Variants in MATR3 observed in about 807,000 individuals in gnomAD.
The protein encoded by MATR3 is matrin 3, also known as matrin-3.
A neutral mutation model predicts 85.5 loss-of-function variants in MATR3; 4 were observed. That is an observed-to-expected ratio of 0.05 (90% CI 0.02 to 0.11). The LOEUF (loss-of-function observed/expected upper bound fraction) is 0.11, where lower values mean the gene tolerates loss of function less well. Ranked by LOEUF, MATR3 falls within the 10% of genes least tolerant of loss-of-function variation. The probability of loss-of-function intolerance (pLI) is 1.00; values close to 1 mark genes in which losing one functional copy is unlikely to be tolerated. For missense variants in MATR3, 685 were observed against 1,016.1 expected (o/e 0.67, Z 4.43); for synonymous variants, 336 against 343.1 (o/e 0.98, Z 0.23).
At chr5:139,319,568 G>C in intron 9 of MATR3, 67 bp downstream of exon 9, 9 of 1,425,068 alleles carry the variant, frequency 6.3e-6, no homozygotes, top group Non-Finnish European at 8.8e-6. Context: ...TCAATATGGA[G>C]CTGGGCGTCA....
chr5:139,299,131 T>C (rs1197912858), intron 1 of MATR3, among the ~76,000 whole-genome samples: 1 of 152,200 alleles, frequency 6.6e-6, no homozygotes, highest in Non-Finnish European at 1.5e-5. Flanking sequence ...ATGTTTTGTT[T>C]CGTATTTTTA....
chr5:139,324,290 G>GTTTTTTTTT (rs767660135), intron 12 of MATR3, among the ~76,000 whole-genome samples: 2 of 107,730 alleles, frequency 1.9e-5, no homozygotes, highest in Non-Finnish European at 1.8e-5. Flanking sequence ...GAGCATGATT[G>GTTTTTTTTT]TTTTTTTTTT....
upstream of MATR3, among the ~76,000 whole-genome samples, chr5:139,290,786 C>T (rs1026543657): frequency 7.9e-5 from 12 of 152,028 alleles, no homozygotes; most frequent in African/African-American, 2.4e-4. Context: ...ACTTCGTTTA[C>T]GGCATTAACT....
chr5:139,280,731 T>C (rs1016061844), intron 3 of MATR3: 1 of 152,246 alleles, frequency 6.6e-6, no homozygotes, highest in Non-Finnish European at 1.5e-5. Context: ...CACAGTACTT[T>C]AAATCTGAGG....
Position 139,316,201 on chromosome 5 carries a change from A to T in MATR3, c.1129+13A>T. On this transcript the variant is annotated intron_variant, in intron 5 of 14. Transcript: ENST00000394805. Reference sequence around the variant, plus strand: ...AGAGGAAATCTGGGTAATTATATAAAATTCATGTTACTTTTCCCTACAGAG... The same window carrying T: ...AGAGGAAATCTGGGTAATTATATAATATTCATGTTACTTTTCCCTACAGAG... 6.5e-7 allele frequency: 1 copy of T among 1,539,920 alleles called. No individual in the cohort carries two copies. Among genetic ancestry groups the T allele is most frequent in the Non-Finnish European group, 9.0e-7 (1 of 1,115,356 alleles).
chr5:139,317,766 A>C (rs765431855), intron 7 of MATR3, 45 bp downstream of exon 7: 31 of 1,469,720 alleles, frequency 2.1e-5, no homozygotes, highest in South Asian at 3.6e-5. Context: ...CATGCCACTA[A>C]TATATGTTCT....
rs1226494987 is a variant in MATR3, at chr5:139,317,091, C to G, written c.1168C>G (p.Gln390Glu). The G allele has an allele frequency of 1.2e-6, 2 of 1,614,016 alleles. No homozygotes were observed. The highest frequency in any genetic ancestry group is 1.7e-6 in the Non-Finnish European group (2 of 1,179,964). The change falls in exon 6 of 15, where the codon CAG (glutamine) becomes GAG (glutamate). Residue 390 changes from glutamine to glutamate, a missense_variant. This residue lies in a region of MATR3 where 223 missense variants were observed against 334.4 expected (regional missense o/e 0.67). Coordinates refer to ENST00000394805, the MANE Select transcript of MATR3 (RefSeq NM_018834.6). ...NGNLQGPRHM[Q>E]KGRVETSRVV... ...AAACCTGCAAGGACCTAGACACATGCAGAAAGGCAGAGTGGTCAGTAATGA... is the reference window on the plus strand; with the variant it reads ...AAACCTGCAAGGACCTAGACACATGGAGAAAGGCAGAGTGGTCAGTAATGA...
intron 3 of MATR3, among the ~76,000 whole-genome samples, chr5:139,281,612 C>T (rs954472422): frequency 2.6e-5 from 4 of 152,096 alleles, no homozygotes; most frequent in African/African-American, 9.7e-5. Context: ...CTCAGCCTCC[C>T]AAAGTGCTGG....
rs1756044510 is a variant in MATR3 at position 139,329,810 on chromosome 5, GT to G, written c.*419del. ...ATTACTTTCATCTGAAACATTCCATGTTTTAATCTGAGCCTTGCAGACTTTC... is the reference window on the plus strand; with the variant it reads ...ATTACTTTCATCTGAAACATTCCATGTTTAATCTGAGCCTTGCAGACTTTC... On this transcript the variant is annotated 3_prime_UTR_variant, in exon 15 of 15. Coordinates refer to ENST00000394805, the MANE Select transcript of MATR3 (RefSeq NM_018834.6). 1 of 454,488 alleles carries G rather than the reference GT, an allele frequency of 2.2e-6. No individual in the cohort carries two copies. The highest frequency in any genetic ancestry group is 2.4e-5 in the Admixed American group (1 of 42,552). The allele number at this position is 454,488 out of a possible 1,614,324, so 28.2% of individuals were successfully genotyped here.
upstream of MATR3, among the ~76,000 whole-genome samples, chr5:139,290,970 T>C (rs1391157799): frequency 6.6e-6 from 1 of 152,122 alleles, no homozygotes; most frequent in Non-Finnish European, 1.5e-5. Context: ...CCCAGGGAAA[T>C]GGCCCTTTCC....
At chr5:139,289,887 A>G (rs759178262), upstream of MATR3, among the ~76,000 whole-genome samples, 5 of 152,120 alleles carry the variant, frequency 3.3e-5, no homozygotes, top group African/African-American at 4.8e-5. Flanking sequence ...AGTGGAAGCA[A>G]CTCTCAATGT....
rs73255204 is a variant in MATR3 at position 139,279,205 on chromosome 5, G to A, written c.-178+76G>A. 5.1e-3 allele frequency: 2,306 copies of A among 452,406 alleles called. 51 individuals carry two copies. Among genetic ancestry groups the A allele is most frequent in the African/African-American group, 0.042 (2,116 of 49,928 alleles). 28.0% of individuals were successfully genotyped at this position (452,406 alleles called of 1,614,324 possible). On this transcript the variant is annotated intron_variant, in intron 3 of 16. Coordinates refer to ENST00000509990, the Ensembl canonical transcript of MATR3. ...ATGGGGGTAGGGGACTTAAAATTATGATGTGAAAAATTATGTAGAGTATCA... is the reference window on the plus strand; with the variant it reads ...ATGGGGGTAGGGGACTTAAAATTATAATGTGAAAAATTATGTAGAGTATCA...
intron 1 of MATR3, among the ~76,000 whole-genome samples, chr5:139,306,118 TA>T (rs1263146776): frequency 6.6e-6 from 1 of 152,214 alleles, no homozygotes; most frequent in African/African-American, 2.4e-5. Context: ...GTTGTGATTA[TA>T]AAATTGTTTC....
chr5:139,317,824 C>G (rs1309562299), intron 7 of MATR3, 103 bp downstream of exon 7: 11 of 1,187,876 alleles, frequency 9.3e-6, no homozygotes, highest in Non-Finnish European at 1.2e-5. Flanking sequence ...TCAAGGTAAT[C>G]TTAAGTTTAT....
chr5:139,293,734 G>C (rs1027635182), upstream of MATR3: 4 of 369,606 alleles, frequency 1.1e-5, no homozygotes, highest in African/African-American at 2.1e-5. Flanking sequence ...TGCTGCGGGG[G>C]ATTGTGGGAG....
At chr5:139,298,863 C>T (rs1465555945) in intron 1 of MATR3, among the ~76,000 whole-genome samples, 1 of 152,118 alleles carries the variant, frequency 6.6e-6, no homozygotes, top group East Asian at 1.9e-4. Flanking sequence ...CTTAAATGTT[C>T]ATCATCTGCA....
At chr5:139,313,440 A>G (rs1240558034) in intron 2 of MATR3, 2 of 151,456 alleles carry the variant, frequency 1.3e-5, no homozygotes, top group Non-Finnish European at 2.9e-5. Flanking sequence ...CTCTTGTCCC[A>G]GTGAATTTAA....
chr5:139,300,460 G>T (rs942962147), intron 1 of MATR3, among the ~76,000 whole-genome samples: 5 of 152,040 alleles, frequency 3.3e-5, no homozygotes, highest in Admixed American at 2.6e-4. Flanking sequence ...AAGAGACTAC[G>T]GTGCAGATAA....
chr5:139,291,952 T>TC (rs1438653122), upstream of MATR3: 1 of 140,950 alleles, frequency 7.1e-6, no homozygotes, highest in East Asian at 2.0e-4. Flanking sequence ...TTTTTTTTTT[T>TC]TTTTTTTTTT....
Sources: allele counts gnomAD v4.1 joint callset (sites outside exome capture counted in the v4.1 genomes callset), GRCh38; gene constraint gnomAD v4.1.1; regional missense constraint gnomAD v4.1.1; transcripts MANE v1.5; gene names NCBI Gene and HGNC (gene_info 2026-07-23, HGNC 2026-07-21).